The following CSMD2 variants were observed in gnomAD, a reference collection of about 807,000 sequenced individuals.
CSMD2 encodes the protein CUB and sushi domain-containing protein 2.
A neutral mutation model predicts 398.5 loss-of-function variants in CSMD2; 130 were observed. That is an observed-to-expected ratio of 0.33 (90% CI 0.28 to 0.38). The LOEUF is 0.38. Among genes scored for constraint, CSMD2 ranks in the 10% least tolerant of loss-of-function variants. The pLI, the probability that CSMD2 is intolerant of heterozygous loss-of-function variation, is 1.00. For synonymous variants in CSMD2, 1,828 were observed against 1,908.5 expected (o/e 0.96, Z 1.10); for missense variants, 3,829 against 4,764.9 (o/e 0.80, Z 5.78).
rs762292236 is a variant in CSMD2 at position 33,846,872 on chromosome 1, G to A, written c.1033+12C>T. 6.3e-7 allele frequency: 1 copy of A among 1,574,984 alleles called. No individual in the cohort carries two copies. Among genetic ancestry groups the A allele is most frequent in the East Asian group, 2.4e-5 (1 of 42,238 alleles). ...CCACTGAGGAAGCCAGACAGTCCTG[G>A]GACCTGCCTACCTTGGTATTGGGCA... is the stretch of plus-strand genomic sequence containing the variant. On this transcript the variant is annotated intron_variant, in intron 6 of 70. Transcript: ENST00000373381.
intron 3 of CSMD2, among the ~76,000 whole-genome samples, chr1:33,971,889 G>T (rs1428090411): frequency 6.6e-6 from 1 of 152,222 alleles, no homozygotes; most frequent in Non-Finnish European, 1.5e-5. Context: ...TGGGTGGTTA[G>T]AGAGAGGCAG....
intron 1 of CSMD2, among the ~76,000 whole-genome samples, chr1:34,095,563 A>T (rs1659186835): frequency 6.6e-6 from 1 of 152,078 alleles, no homozygotes; most frequent in African/African-American, 2.4e-5. Flanking sequence ...CGCAATAAAA[A>T]ATGATAAAGG....
At chr1:33,935,072 G>GAA (rs199731952) in intron 4 of CSMD2, among the ~76,000 whole-genome samples, 1 of 145,604 alleles carries the variant, frequency 6.9e-6, no homozygotes, top group Admixed American at 6.9e-5. Context: ...AGGAAGAAAG[G>GAA]AAAAAAAAAA....
At chr1:34,126,325 G>T (rs1040484559) in intron 1 of CSMD2, among the ~76,000 whole-genome samples, 1 of 152,174 alleles carries the variant, frequency 6.6e-6, no homozygotes, top group Non-Finnish European at 1.5e-5. Flanking sequence ...CTCTGGCTGA[G>T]CCCACCTAGC....
At chr1:34,146,349 C>A (rs981161956) in intron 1 of CSMD2, among the ~76,000 whole-genome samples, 1 of 152,176 alleles carries the variant, frequency 6.6e-6, no homozygotes, top group African/African-American at 2.4e-5. Context: ...AGTTTAAGCA[C>A]CTTCCAAAGC....
intron 5 of CSMD2, among the ~76,000 whole-genome samples, chr1:33,875,306 G>T (rs1484097811): frequency 1.3e-5 from 2 of 152,214 alleles, no homozygotes; most frequent in African/African-American, 2.4e-5. Context: ...GAAGGGGGCT[G>T]GTTAGTGAGA....
At chr1:33,907,243 C>A (rs535212226) in intron 5 of CSMD2, among the ~76,000 whole-genome samples, 1 of 151,350 alleles carries the variant, frequency 6.6e-6, no homozygotes, top group South Asian at 2.1e-4. Flanking sequence ...CTCAGCCTCC[C>A]GAGTAGCTGG....
At chr1:33,789,437 G>A (rs147633342) in intron 11 of CSMD2, among the ~76,000 whole-genome samples, 247 of 152,348 alleles carry the variant, frequency 1.6e-3, no homozygotes, top group African/African-American at 5.6e-3. Flanking sequence ...ATAGTACAAT[G>A]AGAATATGGA....
chr1:33,771,119 C>G (rs1369277242), intron 13 of CSMD2, among the ~76,000 whole-genome samples: 1 of 152,162 alleles, frequency 6.6e-6, no homozygotes, highest in East Asian at 1.9e-4. Flanking sequence ...AAGCTAGACC[C>G]TCCTCCATTT....
At chr1:34,117,574 T>C (rs1475517748) in intron 1 of CSMD2, among the ~76,000 whole-genome samples, 3 of 152,004 alleles carry the variant, frequency 2.0e-5, no homozygotes, top group Non-Finnish European at 4.4e-5. Flanking sequence ...TCCCCCAAAA[T>C]TGAAGAGGAC....
chr1:33,521,203 C>T (rs994852324), intron 68 of CSMD2, among the ~76,000 whole-genome samples: 3 of 152,232 alleles, frequency 2.0e-5, no homozygotes, highest in African/African-American at 7.2e-5. Flanking sequence ...AGCCAATGTC[C>T]CTGGAGTTGG....
rs372193822 is a variant in CSMD2, at chr1:33,540,508, C to T, written c.9631+17G>A. The stretch of plus-strand genomic sequence containing the variant: ...CTATTGAAGAGGATGCACCAAAGGC[C>T]CTTGTAAGCAACTTACGGAAACACT... On this transcript the variant is annotated intron_variant, in intron 60 of 70. Coordinates refer to ENST00000373381, the MANE Select transcript of CSMD2 (RefSeq NM_001281956.2). The T allele has an allele frequency of 1.2e-5, 20 of 1,613,670 alleles. No individual in the cohort carries two copies. In the African/African-American group the frequency reaches 2.3e-4, roughly 18 times the overall value.
chr1:33,554,185 CTTTTTTT>C (rs397860875), intron 55 of CSMD2, among the ~76,000 whole-genome samples: 1 of 74,384 alleles, frequency 1.3e-5, no homozygotes, highest in Non-Finnish European at 2.4e-5. Flanking sequence ...AAAAAACAGC[CTTTTTTT>C]TTTTTTTTTT....
Position 33,519,637 on chromosome 1 carries a change from C to T in CSMD2, c.10777G>A (p.Glu3593Lys), listed in dbSNP as rs1478358453. ...AATGTGGCCCGAACATTGGTGTTCTCGTGGCCAGCATAGCCATTGAAAGGA... is the reference window on the plus strand; with the variant it reads ...AATGTGGCCCGAACATTGGTGTTCTTGTGGCCAGCATAGCCATTGAAAGGA... ...KVPFNGYAGH[E>K]NTNVRATFEN... Residue 3593 changes from glutamate to lysine, a missense_variant, in exon 70 of 71, where the codon GAG becomes AAG. Glu to Lys is a moderately conservative substitution (Grantham distance 56, BLOSUM62 1). Coordinates refer to ENST00000373381, the MANE Select transcript of CSMD2 (RefSeq NM_001281956.2). This position sits in a 1 kb window ranked among gnomAD's most constrained non-coding sequence, Gnocchi z 5.6. 2.5e-6 allele frequency: 4 copies of T among 1,613,968 alleles called. No individual in the cohort carries two copies. The highest frequency in any genetic ancestry group is 3.4e-6 in the Non-Finnish European group (4 of 1,180,006).
intron 10 of CSMD2, among the ~76,000 whole-genome samples, chr1:33,803,099 G>T (rs533043004): frequency 6.6e-6 from 1 of 152,044 alleles, no homozygotes; most frequent in Admixed American, 6.5e-5. Context: ...ATTTGTCATC[G>T]TTGCCATGAT....
intron 3 of CSMD2, among the ~76,000 whole-genome samples, chr1:34,005,267 T>C (rs746204575): frequency 6.6e-6 from 1 of 152,202 alleles, no homozygotes; most frequent in African/African-American, 2.4e-5. Flanking sequence ...TGACGGGTCA[T>C]GTGCTCATTT....
At chr1:33,686,984 C>T (rs1449017496) in intron 25 of CSMD2, among the ~76,000 whole-genome samples, 1 of 152,206 alleles carries the variant, frequency 6.6e-6, no homozygotes, top group Non-Finnish European at 1.5e-5. Context: ...ATTCTAGGTG[C>T]TTTATATATG....
intron 5 of CSMD2, among the ~76,000 whole-genome samples, chr1:33,858,508 G>A (rs1639258837): frequency 6.6e-6 from 1 of 152,144 alleles, no homozygotes; most frequent in Non-Finnish European, 1.5e-5. Flanking sequence ...TGTGGCCTTG[G>A]ATAAATTAAT....
chr1:33,533,907 C>T lies in CSMD2; in HGVS notation c.9880G>A (p.Val3294Ile), dbSNP rs758445657. Residue 3294 changes from valine to isoleucine, a missense_variant and splice_region_variant, in exon 63 of 71, where the codon GTT becomes ATT. This residue lies in a region of CSMD2 where 917 missense variants were observed against 1,199.5 expected (regional missense o/e 0.76). Transcript: ENST00000373381. The surrounding 1 kb of genome is among the most constrained non-coding windows in gnomAD (Gnocchi z 4.2). The part of the protein sequence containing the change: ...GIQNNSQGYQ[V>I]GSTVLFRCQK... ...CAACGGAAGAGGACTGTGCTTCCAA[C>T]CTGCGGCAAGATACAAAGTCCCATC... 6.2e-7 allele frequency: 1 copy of T among 1,605,870 alleles called. No individual in the cohort carries two copies. The highest frequency in any genetic ancestry group is 8.5e-7 in the Non-Finnish European group (1 of 1,172,600).
Sources: allele counts gnomAD v4.1 joint callset (sites outside exome capture counted in the v4.1 genomes callset), GRCh38; gene constraint gnomAD v4.1.1; regional missense constraint gnomAD v4.1.1; non-coding constraint Gnocchi (gnomAD v3.1); transcripts MANE v1.5; gene names NCBI Gene and HGNC (gene_info 2026-07-23, HGNC 2026-07-21).